Variants in MAP3K20 observed in about 807,000 individuals in gnomAD.
The protein encoded by MAP3K20 is HCCS-4.
MAP3K20 carries 40 observed loss-of-function variants against 85.7 expected under a neutral mutation model. The ratio of observed to expected loss-of-function variants is 0.47; its 90% confidence interval spans 0.36 to 0.61. The LOEUF is 0.61. Among genes scored for constraint, MAP3K20 ranks in the 20% least tolerant of loss-of-function variants. The pLI is 0.00. For missense variants in MAP3K20, 817 were observed against 961.7 expected (o/e 0.85, Z 1.99); for synonymous variants, 325 against 327.7 (o/e 0.99, Z 0.09).
upstream of MAP3K20, chr2:173,075,654 C>T (rs1014468004): frequency 1.9e-4 from 166 of 865,502 alleles, no homozygotes; most frequent in Non-Finnish European, 2.2e-4. Flanking sequence ...CACGGCCCTC[C>T]CCCCACAGCA....
At chr2:173,203,228 A>T (rs1207133141) in intron 8 of MAP3K20, among the ~76,000 whole-genome samples, 1 of 152,212 alleles carries the variant, frequency 6.6e-6, no homozygotes, top group African/African-American at 2.4e-5. Context: ...GACCATCCTC[A>T]CATTATAATT....
intron 1 of MAP3K20, among the ~76,000 whole-genome samples, chr2:173,085,595 A>G (rs1022329363): frequency 6.6e-6 from 1 of 152,122 alleles, no homozygotes; most frequent in Non-Finnish European, 1.5e-5. Flanking sequence ...CAACATTTAC[A>G]GAGTTGTGAT....
chr2:173,246,996 G>T (rs1684931477), intron 16 of MAP3K20, among the ~76,000 whole-genome samples: 1 of 152,276 alleles, frequency 6.6e-6, no homozygotes, highest in African/African-American at 2.4e-5. Context: ...AGGAACCTTT[G>T]GAAGAGGTAG....
intron 2 of MAP3K20, among the ~76,000 whole-genome samples, chr2:173,093,987 T>G (rs985177196): frequency 2.1e-5 from 2 of 97,116 alleles, no homozygotes; most frequent in African/African-American, 8.4e-5. Flanking sequence ...TGGGGACTGT[T>G]GTGGGGTGGG....
chr2:173,242,177 A>T lies in MAP3K20; in HGVS notation c.1359+2681A>T, dbSNP rs1252186676. Among the ~76,000 whole-genome samples the T allele has an allele frequency of 7.7e-4, 110 of 142,734 alleles. No individual in the cohort carries two copies. The East Asian group carries it at 8.4e-3, about 11-fold the overall frequency. The allele number at this position is 142,734 out of a possible 152,430, so 93.6% of individuals were successfully genotyped here. On this transcript the variant is annotated intron_variant, in intron 16 of 19. Transcript: ENST00000375213. ...CAGAGATCTCAACCAAGAAAAAAAA[A>T]TTTTTTTTTTTTTTTGAGACGGAGT...
At position 173,226,530 on chromosome 2, in the gene MAP3K20, T is replaced by C. The variant is rs929001229; in HGVS notation, c.988-3159T>C. The stretch of plus-strand genomic sequence containing the variant: ...CTCTCCTCTCGATTGTAGCATAGCC[T>C]GACAGCTCTAGATACAGCATTTCTA... On this transcript the variant is annotated intron_variant, in intron 11 of 19. Coordinates refer to ENST00000375213, the MANE Select transcript of MAP3K20 (RefSeq NM_016653.3). The C allele has an allele frequency of 6.1e-6, 6 of 985,722 alleles. No homozygotes were observed. In the Admixed American group the frequency reaches 3.7e-4, roughly 61 times the overall value. The allele number at this position is 985,722 out of a possible 1,614,324, so 61.1% of individuals were successfully genotyped here.
intron 10 of MAP3K20, 152 bp downstream of exon 10, chr2:173,209,987 C>CATAA: frequency 1.5e-6 from 1 of 662,014 alleles, no homozygotes; most frequent in East Asian, 2.7e-5. Context: ...TTTTGGAACT[C>CATAA]TTATAAGTCC....
At chr2:173,232,081 G>A (rs867738910) in intron 12 of MAP3K20, 111 bp from the exon 13 acceptor site, 3 of 1,335,546 alleles carry the variant, frequency 2.2e-6, no homozygotes, top group Middle Eastern at 1.8e-4. Context: ...CTTTGTGGTT[G>A]AGCCAGGAAT....
intron 2 of MAP3K20, among the ~76,000 whole-genome samples, chr2:173,125,029 CAAAAG>C (rs1301461048): frequency 6.6e-6 from 1 of 152,094 alleles, no homozygotes; most frequent in Non-Finnish European, 1.5e-5. Flanking sequence ...TACCAACTGA[CAAAAG>C]AGAGATGTTT....
chr2:173,154,527 C>A (rs933368550), intron 2 of MAP3K20, among the ~76,000 whole-genome samples: 1 of 152,146 alleles, frequency 6.6e-6, no homozygotes, highest in Non-Finnish European at 1.5e-5. Context: ...CATTACCTCC[C>A]AACTTCCCTA....
intron 2 of MAP3K20, among the ~76,000 whole-genome samples, chr2:173,097,993 C>G (rs1397939885): frequency 1.3e-5 from 2 of 152,138 alleles, no homozygotes; most frequent in Non-Finnish European, 2.9e-5. Flanking sequence ...CTGTTGCTAA[C>G]TTTTTATTAA....
intron 10 of MAP3K20, chr2:173,215,706 C>A (rs1684053125): frequency 1.3e-5 from 2 of 152,216 alleles, no homozygotes; most frequent in South Asian, 4.1e-4. Context: ...CCAGACCCAC[C>A]TCCATACCTG....
chr2:173,097,806 G>C (rs1487633770), intron 2 of MAP3K20, among the ~76,000 whole-genome samples: 1 of 152,142 alleles, frequency 6.6e-6, no homozygotes, highest in Non-Finnish European at 1.5e-5. Flanking sequence ...GAAAATACCT[G>C]TGTGAAATAG....
intron 11 of MAP3K20, chr2:173,223,599 G>A (rs1389103468): frequency 3.0e-6 from 3 of 985,352 alleles, no homozygotes; most frequent in East Asian, 1.1e-4. Flanking sequence ...TGCTTAGAAT[G>A]TAAGCTAAAC....
chr2:173,254,660 C>T (rs1685119304), intron 16 of MAP3K20, among the ~76,000 whole-genome samples: 1 of 152,166 alleles, frequency 6.6e-6, no homozygotes, highest in Non-Finnish European at 1.5e-5. Flanking sequence ...CATGGCATCT[C>T]AATGTCTGCA....
chr2:173,098,010 C>G (rs1381813947), intron 2 of MAP3K20, among the ~76,000 whole-genome samples: 1 of 152,060 alleles, frequency 6.6e-6, no homozygotes, highest in African/African-American at 2.4e-5. Context: ...TTAATAAATT[C>G]TTTAAATTTG....
At chr2:173,094,021 G>A (rs1687383438) in intron 2 of MAP3K20, among the ~76,000 whole-genome samples, 1 of 150,428 alleles carries the variant, frequency 6.6e-6, no homozygotes, top group Admixed American at 6.6e-5. Flanking sequence ...GATAGCACTG[G>A]GAGATATACC....
At chr2:173,237,999 T>C (rs2106336421) in intron 14 of MAP3K20, among the ~76,000 whole-genome samples, 1 of 152,038 alleles carries the variant, frequency 6.6e-6, no homozygotes, top group Admixed American at 6.6e-5. Flanking sequence ...AAAAATAAAA[T>C]AAATTAGCTG....
At chr2:173,194,600 T>G (rs1690764764) in intron 7 of MAP3K20, among the ~76,000 whole-genome samples, 1 of 152,102 alleles carries the variant, frequency 6.6e-6, no homozygotes, top group Non-Finnish European at 1.5e-5. Flanking sequence ...TATTTTGAAT[T>G]TTTTATGTCT....
Sources: allele counts gnomAD v4.1 joint callset (sites outside exome capture counted in the v4.1 genomes callset), GRCh38; gene constraint gnomAD v4.1.1; transcripts MANE v1.5; gene names NCBI Gene and HGNC (gene_info 2026-07-23, HGNC 2026-07-21).